The following IFNG variants were observed in gnomAD, a reference collection of about 807,000 sequenced individuals.
The protein encoded by IFNG is interferon gamma.
IFNG carries 8 observed loss-of-function variants against 14.4 expected under a neutral mutation model. That is an observed-to-expected ratio of 0.56 (90% CI 0.33 to 1.00). IFNG has a LOEUF of 1.00. IFNG is among the 50% of genes least tolerant of loss of function. The pLI, the probability that IFNG is intolerant of heterozygous loss-of-function variation, is 0.03. For synonymous variants in IFNG, 73 were observed against 65.4 expected (o/e 1.12, Z -0.56); for missense variants, 132 against 194.9 (o/e 0.68, Z 1.92).
Position 68,158,046 on chromosome 12 carries a change from T to G in IFNG, c.233A>C (p.Lys78Thr), listed in dbSNP as rs761801101. Residue 78 changes from lysine to threonine, a missense_variant, in exon 3 of 4, where the codon AAA becomes ACA. Lys to Thr is a moderately conservative substitution (Grantham distance 78). Transcript: ENST00000229135. ...GTCATCTTTAAAGTTTTTAAAAAGT[T>G]TGAAGTAAAAGGAGACAATTTGGCT... is the stretch of plus-strand genomic sequence containing the variant. The part of the protein sequence containing the change: ...MQSQIVSFYF[K>T]LFKNFKDDQS... The G allele has an allele frequency of 6.2e-7, 1 of 1,609,118 alleles. No individual in the cohort carries two copies. Among genetic ancestry groups the G allele is most frequent in the South Asian group, 1.1e-5 (1 of 89,946 alleles).
intron 3 of IFNG, among the ~76,000 whole-genome samples, chr12:68,156,575 A>G (rs571180522): frequency 1.8e-4 from 27 of 152,372 alleles, no homozygotes; most frequent in African/African-American, 6.0e-4. Flanking sequence ...AGCTCACTCA[A>G]GATTGCCCAT....
chr12:68,159,508 T>G lies in IFNG; in HGVS notation c.108A>C (p.Lys36Asn). The change falls in exon 1 of 4, where the codon AAA becomes AAC. Residue 36 changes from lysine to asparagine, a missense_variant. By Grantham distance (94) the Lys-to-Asn change is moderately conservative. Transcript: ENST00000229135. ...ATTAAAAAGTCATACTTACAAAATA[T>G]TTCTTAAGGTTTTCTGCTTCTTTTA... ...PYVKEAENLK[K>N]YFNAGHSDVA... 1.3e-6 allele frequency: 2 copies of G among 1,537,406 alleles called. No homozygotes were observed. The highest frequency in any genetic ancestry group is 4.5e-5 in the East Asian group (2 of 44,390).
At chr12:68,156,304 T>C (rs2120741274) in intron 3 of IFNG, among the ~76,000 whole-genome samples, 1 of 152,348 alleles carries the variant, frequency 6.6e-6, no homozygotes, top group East Asian at 1.9e-4. Context: ...TCCAGTACCC[T>C]GCCTTCTAGG....
At chr12:68,155,561 G>A in intron 3 of IFNG, 74 bp from the exon 4 acceptor site, 2 of 1,372,856 alleles carry the variant, frequency 1.5e-6, no homozygotes, top group Admixed American at 4.4e-5. Context: ...TGTCATGATG[G>A]TCAGTGAAAA....
Position 68,155,472 on chromosome 12 carries a change from C to T in IFNG, c.382G>A (p.Val128Ile), listed in dbSNP as rs1882587128. Reference sequence around the variant, plus strand: ...AGTTCATGTATTGCTTTGCGTTGGACATTCAAGTCAGTTACCTATCGGGAA... The same window carrying T: ...AGTTCATGTATTGCTTTGCGTTGGATATTCAAGTCAGTTACCTATCGGGAA... ...LTNYSVTDLNVQRKAIHELIQ... is the reference protein window; with the variant it reads ...LTNYSVTDLNIQRKAIHELIQ... The change falls in exon 4 of 4, where the codon GTC (valine) becomes ATC (isoleucine). Residue 128 changes from valine (V) to isoleucine (I), a missense_variant. Coordinates refer to ENST00000229135, the MANE Select transcript of IFNG (RefSeq NM_000619.3). The T allele has an allele frequency of 6.2e-7, 1 of 1,605,878 alleles. No homozygotes were observed. Among genetic ancestry groups the T allele is most frequent in the Non-Finnish European group, 8.5e-7 (1 of 1,176,174 alleles).
In IFNG at chr12:68,155,215, A is replaced by G. The variant is rs1407958241; in HGVS notation, c.*138T>C. 5 of 513,392 alleles carry G rather than the reference A, an allele frequency of 9.7e-6. No homozygotes were observed. Among genetic ancestry groups the G allele is most frequent in the Non-Finnish European group, 9.8e-6 (3 of 305,968 alleles). 31.8% of individuals were successfully genotyped at this position (513,392 alleles called of 1,614,324 possible). A position where few individuals can be genotyped will look rare whatever the true frequency, so the allele number is the denominator to read the frequency against. On this transcript the variant is annotated 3_prime_UTR_variant, in exon 4 of 4. Coordinates refer to ENST00000229135, the MANE Select transcript of IFNG (RefSeq NM_000619.3). ...ATAATACATATATTAATAGATATTCATTTTCATTACACAAAAGTTGCTATT... is the reference window on the plus strand; with the variant it reads ...ATAATACATATATTAATAGATATTCGTTTTCATTACACAAAAGTTGCTATT...
chr12:68,156,723 T>C (rs1882607206), intron 3 of IFNG, among the ~76,000 whole-genome samples: 1 of 152,090 alleles, frequency 6.6e-6, no homozygotes, highest in African/African-American at 2.4e-5. Flanking sequence ...TACTTTCCAA[T>C]GTTCAAATCA....
In IFNG at chr12:68,159,538, T is replaced by C. The variant is rs1338475508; in HGVS notation, c.78A>G (p.Pro26=). The change falls in exon 1 of 4, where the codon CCA becomes CCG. Residue 26 remains proline (P), a synonymous_variant. Transcript: ENST00000229135. The stretch of plus-strand genomic sequence containing the variant: ...TAAGGTTTTCTGCTTCTTTTACATA[T>C]GGGTCCTGGCAGTAACAGCCAAGAG... The part of the protein sequence containing the change: ...LGSLGCYCQD[P]YVKEAENLKK... 3 of 1,600,772 alleles carry C rather than the reference T, an allele frequency of 1.9e-6. No individual in the cohort carries two copies. The highest frequency in any genetic ancestry group is 1.7e-5 in the Admixed American group (1 of 59,326).
chr12:68,158,520 C>T (rs977179888), intron 1 of IFNG, among the ~76,000 whole-genome samples: 1 of 152,024 alleles, frequency 6.6e-6, no homozygotes, highest in African/African-American at 2.4e-5. Flanking sequence ...GCTGATACTC[C>T]AAAGGTCCCA....
In IFNG at chr12:68,157,982, G is replaced by A. The variant is rs1882626483; in HGVS notation, c.297C>T (p.Asp99=). 6.2e-7 allele frequency: 1 copy of A among 1,609,366 alleles called. No individual in the cohort carries two copies. The part of the protein sequence containing the change: ...IQKSVETIKE[D]MNVKFFNSNK... ...TGCTATTGAAAAACTTGACATTCAT[G>A]TCTTCCTTGATGGTCTCCACACTCT... Residue 99 remains aspartate (D), a synonymous_variant, in exon 3 of 4, where the codon GAC becomes GAT. Transcript: ENST00000229135.
At chr12:68,157,043 CA>C (rs1253349132) in intron 3 of IFNG, among the ~76,000 whole-genome samples, 1 of 152,116 alleles carries the variant, frequency 6.6e-6, no homozygotes, top group East Asian at 1.9e-4. Flanking sequence ...TTTTGAAAAA[CA>C]TGATTTGTCT....
rs1328388693 is a variant in IFNG, at chr12:68,154,842, G to T, written c.*511C>A. 1 of 152,756 alleles carries T rather than the reference G, an allele frequency of 6.5e-6. No individual in the cohort carries two copies. The highest frequency in any genetic ancestry group is 1.9e-4 in the East Asian group (1 of 5,332). The allele number at this position is 152,756 out of a possible 1,614,324, so 9.5% of individuals were successfully genotyped here. A position where few individuals can be genotyped will look rare whatever the true frequency, so the allele number is the denominator to read the frequency against. Reference sequence around the variant, plus strand: ...AACAAATGAGTTACTTTCCATTTGGGTACAGTCACAGTTGTCAACAATATT... The same window carrying T: ...AACAAATGAGTTACTTTCCATTTGGTTACAGTCACAGTTGTCAACAATATT... On this transcript the variant is annotated 3_prime_UTR_variant, in exon 4 of 4. Coordinates refer to ENST00000229135, the MANE Select transcript of IFNG (RefSeq NM_000619.3).
At chr12:68,157,858 A>G in intron 3 of IFNG, 55 bp downstream of exon 3, 3 of 1,288,162 alleles carry the variant, frequency 2.3e-6, no homozygotes, top group Non-Finnish European at 2.2e-6. Context: ...TGGAGAATAA[A>G]TGCTTTGCAA....
At chr12:68,156,154 G>A (rs1565725457) in intron 3 of IFNG, among the ~76,000 whole-genome samples, 1 of 152,092 alleles carries the variant, frequency 6.6e-6, no homozygotes, top group Non-Finnish European at 1.5e-5. Flanking sequence ...CAAAACGAGT[G>A]AAAACTGTAA....
chr12:68,158,577 A>T (rs1468212774), intron 1 of IFNG, among the ~76,000 whole-genome samples: 6 of 152,232 alleles, frequency 3.9e-5, no homozygotes, highest in Non-Finnish European at 7.3e-5. Flanking sequence ...AGGCTAAAAA[A>T]TACAAAAACA....
At chr12:68,157,793 G>C (rs1882622930) in intron 3 of IFNG, 120 bp downstream of exon 3, 2 of 705,968 alleles carry the variant, frequency 2.8e-6, no homozygotes, top group African/African-American at 1.8e-5. Context: ...TAGAGTTTCA[G>C]CCATGAGTTG....
chr12:68,157,845 T>C, intron 3 of IFNG, 68 bp downstream of exon 3: 1 of 1,160,512 alleles, frequency 8.6e-7, no homozygotes, highest in Non-Finnish European at 1.2e-6. Flanking sequence ...AATGTCTACT[T>C]TCTGGAGAAT....
Position 68,155,467 on chromosome 12 carries a change from T to C in IFNG, c.387A>G (p.Gln129=), listed in dbSNP as rs909454850. ...TNYSVTDLNV[Q]RKAIHELIQV... is the part of the protein sequence containing the mutation. ...GGATGAGTTCATGTATTGCTTTGCG[T>C]TGGACATTCAAGTCAGTTACCTATC... Residue 129 remains glutamine, a synonymous_variant, in exon 4 of 4, where the codon CAA becomes CAG. Transcript: ENST00000229135. 6 of 1,607,234 alleles carry C rather than the reference T, an allele frequency of 3.7e-6. No homozygotes were observed. In the East Asian group the frequency reaches 6.8e-5, roughly 18 times the overall value.
intron 3 of IFNG, among the ~76,000 whole-genome samples, chr12:68,156,765 T>G (rs1882607766): frequency 6.6e-6 from 1 of 152,152 alleles, no homozygotes; most frequent in Non-Finnish European, 1.5e-5. Flanking sequence ...TATCCAGGAC[T>G]GAACAGTAAG....
Sources: allele counts gnomAD v4.1 joint callset (sites outside exome capture counted in the v4.1 genomes callset), GRCh38; gene constraint gnomAD v4.1.1; transcripts MANE v1.5; gene names NCBI Gene and HGNC (gene_info 2026-07-23, HGNC 2026-07-21).